The following SNX24 variants were observed in gnomAD, a reference collection of about 807,000 sequenced individuals.
SNX24 encodes the protein sorting nexin-24.
A neutral mutation model predicts 28.7 loss-of-function variants in SNX24; 22 were observed. That is an observed-to-expected ratio of 0.77 (90% CI 0.55 to 1.10). SNX24 has a LOEUF of 1.10. Ranked by LOEUF, SNX24 falls within the 50% of genes least tolerant of loss-of-function variation. SNX24 has a pLI of 0.00. For missense variants in SNX24, 221 were observed against 201.1 expected, an observed-to-expected ratio of 1.10 and a Z score of -0.60; for synonymous variants, 69 against 71.5, an observed-to-expected ratio of 0.96 and a Z score of 0.18.
chr5:122,937,643 C>G (rs1289971718), intron 2 of SNX24, among the ~76,000 whole-genome samples: 1 of 152,012 alleles, frequency 6.6e-6, no homozygotes, highest in Admixed American at 6.6e-5. Context: ...AGACTGTTTC[C>G]TTCTCTTTTC....
At chr5:123,019,747 C>T (rs1180240207) in intron 5 of SNX24, among the ~76,000 whole-genome samples, 3 of 152,182 alleles carry the variant, frequency 2.0e-5, no homozygotes, top group Non-Finnish European at 4.4e-5. Flanking sequence ...CACATCCGCC[C>T]ACAACTATAA....
intron 5 of SNX24, among the ~76,000 whole-genome samples, chr5:123,027,187 G>A (rs1489404135): frequency 6.6e-6 from 1 of 151,922 alleles, no homozygotes; most frequent in Non-Finnish European, 1.5e-5. Flanking sequence ...GAGTGAGACT[G>A]TGTCTCAAAA....
chr5:122,947,032 CAT>C (rs1759717994), intron 3 of SNX24, among the ~76,000 whole-genome samples: 1 of 152,154 alleles, frequency 6.6e-6, no homozygotes, highest in South Asian at 2.1e-4. Context: ...AGAAGCGACA[CAT>C]GAGAATGATG....
At chr5:123,004,726 TTCTGGGCCTCAGATGTGC>T (rs1762363563) in intron 6 of SNX24, among the ~76,000 whole-genome samples, 1 of 152,156 alleles carries the variant, frequency 6.6e-6, no homozygotes. Context: ...CTGGAATTCT[TTCTGGGCCTCAGATGTGC>T]TGTTTCCTCC....
intron 3 of SNX24, among the ~76,000 whole-genome samples, chr5:122,990,567 T>A (rs190801740): frequency 1.6e-4 from 24 of 152,306 alleles, no homozygotes; most frequent in Non-Finnish European, 2.8e-4. Context: ...GCAAATTGCT[T>A]TAAAGCACCG....
intron 5 of SNX24, among the ~76,000 whole-genome samples, chr5:123,020,101 G>A (rs897338615): frequency 3.3e-5 from 5 of 152,236 alleles, no homozygotes; most frequent in East Asian, 3.8e-4. Flanking sequence ...CATGTATCGC[G>A]TAAAGCGCAT....
At chr5:122,947,567 G>C (rs906001129) in intron 3 of SNX24, among the ~76,000 whole-genome samples, 4 of 151,998 alleles carry the variant, frequency 2.6e-5, no homozygotes, top group African/African-American at 9.7e-5. Flanking sequence ...TCTCTCTGGG[G>C]GTGAGAGCTT....
intron 3 of SNX24, among the ~76,000 whole-genome samples, chr5:122,981,572 C>T (rs1336255494): frequency 6.6e-6 from 1 of 152,184 alleles, no homozygotes; most frequent in African/African-American, 2.4e-5. Flanking sequence ...CAATATTTGC[C>T]TCATGCCCAT....
chr5:123,029,218 T>C (rs1475295525), intron 5 of SNX24: 3 of 1,606,042 alleles, frequency 1.9e-6, no homozygotes, highest in Non-Finnish European at 8.5e-7. Context: ...GACATACTAA[T>C]TTAATACTTA....
At chr5:122,959,184 AG>A (rs1209734211) in intron 3 of SNX24, among the ~76,000 whole-genome samples, 2 of 151,924 alleles carry the variant, frequency 1.3e-5, no homozygotes, top group Non-Finnish European at 2.9e-5. Flanking sequence ...AGACCTGTTC[AG>A]ATTTTCTAGT....
At chr5:122,901,143 G>A (rs1297703040) in intron 1 of SNX24, among the ~76,000 whole-genome samples, 2 of 151,058 alleles carry the variant, frequency 1.3e-5, no homozygotes, top group Admixed American at 6.6e-5. Context: ...GGAGGTGGCA[G>A]TGAGCCAAGA....
intron 1 of SNX24, among the ~76,000 whole-genome samples, chr5:122,868,790 A>G (rs987013884): frequency 6.6e-6 from 1 of 152,122 alleles, no homozygotes; most frequent in Non-Finnish European, 1.5e-5. Context: ...CTCAGCCTAT[A>G]GGATTAAATC....
At chr5:122,945,973 T>G (rs1759663217) in intron 2 of SNX24, 82 bp from the exon 3 acceptor site, 1 of 698,878 alleles carries the variant, frequency 1.4e-6, no homozygotes, top group Admixed American at 3.2e-5. Context: ...TTATTGGCCT[T>G]TTTTCCCCAA....
chr5:123,022,326 G>C (rs2150187414), intron 5 of SNX24: 1 of 152,284 alleles, frequency 6.6e-6, no homozygotes, highest in South Asian at 2.1e-4. Context: ...CGGTGAGATG[G>C]ATCCTCACTG....
chr5:123,023,319 AGTGT>A (rs1311840638), intron 5 of SNX24: 1 of 152,350 alleles, frequency 6.6e-6, no homozygotes, highest in African/African-American at 2.4e-5. Flanking sequence ...TTAATGCTAG[AGTGT>A]GTGTATTTTT....
chr5:122,961,421 C>G (rs979389564), intron 3 of SNX24, among the ~76,000 whole-genome samples: 1 of 152,174 alleles, frequency 6.6e-6, no homozygotes, highest in East Asian at 1.9e-4. Flanking sequence ...CCATAGAAGC[C>G]TGTAGAATAC....
rs746617988 is a variant in SNX24, at chr5:122,936,691, G to A, written c.61-43G>A. ...AAACTTACCACATCAGACAATTGAG[G>A]GTTTTGAACTAATATAATTAATCTT... On this transcript the variant is annotated intron_variant, in intron 1 of 6. Transcript: ENST00000261369. The A allele has an allele frequency of 3.8e-5, 42 of 1,112,980 alleles. No homozygotes were observed. The Middle Eastern group carries it at 8.6e-4, about 23-fold the overall frequency. 68.9% of individuals were successfully genotyped at this position (1,112,980 alleles called of 1,614,324 possible). A position where few individuals can be genotyped will look rare whatever the true frequency, so the allele number is the denominator to read the frequency against.
chr5:122,961,923 G>A (rs567125882), intron 3 of SNX24, among the ~76,000 whole-genome samples: 21 of 152,214 alleles, frequency 1.4e-4, no homozygotes, highest in African/African-American at 4.3e-4. Context: ...CACAAAATAT[G>A]AAAATGAAAA....
intron 3 of SNX24, among the ~76,000 whole-genome samples, chr5:122,962,733 T>G (rs1581802910): frequency 1.3e-5 from 2 of 152,316 alleles, no homozygotes; most frequent in East Asian, 3.9e-4. Context: ...GGGAATTGAA[T>G]AAAAATATTA....
Sources: allele counts gnomAD v4.1 joint callset (sites outside exome capture counted in the v4.1 genomes callset), GRCh38; gene constraint gnomAD v4.1.1; transcripts MANE v1.5; gene names NCBI Gene and HGNC (gene_info 2026-07-23, HGNC 2026-07-21).